Variants in POLD2 observed in about 807,000 individuals in gnomAD.
POLD2 encodes DNA polymerase delta 2, accessory subunit, also known as DNA polymerase delta subunit 2.
A neutral mutation model predicts 48.8 loss-of-function variants in POLD2; 31 were observed. That is an observed-to-expected ratio of 0.64 (90% CI 0.48 to 0.86). The LOEUF (loss-of-function observed/expected upper bound fraction) is 0.86, where lower values mean the gene tolerates loss of function less well. POLD2 is among the 40% of genes least tolerant of loss of function. POLD2 has a pLI of 0.00. For missense variants in POLD2, 455 were observed against 610.1 expected (o/e 0.75, Z 2.68); for synonymous variants, 233 against 256.3 (o/e 0.91, Z 0.87).
At position 44,121,980 on chromosome 7, in the gene POLD2, G is replaced by A; in HGVS notation, c.74C>T (p.Ala25Val). Residue 25 changes from alanine to valine, a missense_variant, in exon 2 of 11, where the codon GCC becomes GTC. Physicochemically the swap from Ala to Val is moderately conservative, Grantham distance 64 (BLOSUM62 0). Around this residue, in one of 3 missense-constraint regions of POLD2, gnomAD observed 349 missense variants for 437.4 expected, o/e 0.80. Coordinates refer to ENST00000610533, the MANE Select transcript of POLD2 (RefSeq NM_006230.4). This position sits in a 1 kb window ranked among gnomAD's most constrained non-coding sequence, Gnocchi z 4.5. ...GGTGTAGGTTGCCACTGGCACCCGG[G>A]CAAAGGTGGCATTGTTGGCTGATGG... ...SPPSANNATFARVPVATYTNS... is the reference protein window; with the variant it reads ...SPPSANNATFVRVPVATYTNS... 1 of 1,613,868 alleles carries A rather than the reference G, an allele frequency of 6.2e-7. No individual in the cohort carries two copies. The highest frequency in any genetic ancestry group is 8.5e-7 in the Non-Finnish European group (1 of 1,180,038).
chr7:44,116,317 C>T lies in POLD2; in HGVS notation c.862-45G>A, dbSNP rs779780220. On this transcript the variant is annotated intron_variant, in intron 7 of 10. Transcript: ENST00000610533. This position sits in a 1 kb window ranked among gnomAD's most constrained non-coding sequence, Gnocchi z 6.1. ...GAGAGCTCACAGGGCCCCGAAGGAGCCCCCTACACCAACTCCGGCCACTCC... is the reference window on the plus strand; with the variant it reads ...GAGAGCTCACAGGGCCCCGAAGGAGTCCCCTACACCAACTCCGGCCACTCC... The T allele has an allele frequency of 1.3e-5, 21 of 1,594,482 alleles. No individual in the cohort carries two copies. Among genetic ancestry groups the T allele is most frequent in the Non-Finnish European group, 1.8e-5 (21 of 1,168,552 alleles).
At chr7:44,118,850 G>A (rs2096244530) in intron 2 of POLD2, among the ~76,000 whole-genome samples, 1 of 152,108 alleles carries the variant, frequency 6.6e-6, no homozygotes, top group Non-Finnish European at 1.5e-5. Flanking sequence ...CCAGTTTGTG[G>A]TGCTTTGTTA....
intron 1 of POLD2, chr7:44,123,143 T>C (rs1186441781): frequency 1.2e-5 from 8 of 661,348 alleles, no homozygotes; most frequent in African/African-American, 1.9e-5. Context: ...TTTACTCCAA[T>C]TGATTTGTTT....
At chr7:44,117,279 G>A (rs764348319) in intron 4 of POLD2, 32 bp from the exon 5 acceptor site, 9 of 1,520,250 alleles carry the variant, frequency 5.9e-6, no homozygotes, top group African/African-American at 4.1e-5. Context: ...CCTGAGCAGG[G>A]AGCCCCAGGT....
chr7:44,117,807 A>G, intron 3 of POLD2, 65 bp from the exon 4 acceptor site: 2 of 1,606,046 alleles, frequency 1.2e-6, no homozygotes, highest in Non-Finnish European at 1.7e-6. Flanking sequence ...GGTGTTAGTG[A>G]GCTGGCACCG....
intron 1 of POLD2, chr7:44,123,134 T>C (rs2096250406): frequency 1.8e-6 from 1 of 544,880 alleles, no homozygotes; most frequent in African/African-American, 2.0e-5. Context: ...ATTTATGGAT[T>C]TACTCCAATT....
Position 44,116,314 on chromosome 7 carries a change from G to C in POLD2, c.862-42C>G. The C allele has an allele frequency of 6.3e-7, 1 of 1,596,624 alleles. No individual in the cohort carries two copies. The highest frequency in any genetic ancestry group is 8.5e-7 in the Non-Finnish European group (1 of 1,169,864). On this transcript the variant is annotated intron_variant, in intron 7 of 10. Coordinates refer to ENST00000610533, the MANE Select transcript of POLD2 (RefSeq NM_006230.4). The surrounding 1 kb of genome is among the most constrained non-coding windows in gnomAD (Gnocchi z 6.1). ...AGGGAGAGCTCACAGGGCCCCGAAG[G>C]AGCCCCCTACACCAACTCCGGCCAC...
chr7:44,119,506 G>A (rs147145131), intron 2 of POLD2, among the ~76,000 whole-genome samples: 9 of 152,248 alleles, frequency 5.9e-5, no homozygotes, highest in African/African-American at 2.2e-4. Context: ...ACATCCTCAC[G>A]TATCCCACTC....
At position 44,121,813 on chromosome 7, in the gene POLD2, C is replaced by T; in HGVS notation, c.220+21G>A. The T allele has an allele frequency of 6.2e-7, 1 of 1,602,758 alleles. No individual in the cohort carries two copies. The highest frequency in any genetic ancestry group is 8.5e-7 in the Non-Finnish European group (1 of 1,172,962). ...GTTCAGGGATGCTGTGGGGGAAGCA[C>T]CTTCCCAAACTCTCACTTACCCCAG... is the stretch of plus-strand genomic sequence containing the variant. On this transcript the variant is annotated intron_variant, in intron 2 of 10. Coordinates refer to ENST00000610533, the MANE Select transcript of POLD2 (RefSeq NM_006230.4). This position sits in a 1 kb window ranked among gnomAD's most constrained non-coding sequence, Gnocchi z 4.5.
intron 1 of POLD2, 110 bp from the exon 2 acceptor site, chr7:44,122,219 G>T: frequency 7.0e-7 from 1 of 1,433,684 alleles, no homozygotes. Context: ...GAGAACAGCT[G>T]TAGTTGACAC....
In POLD2 at chr7:44,117,910, C is replaced by T. The variant is rs770186897; in HGVS notation, c.342+33G>A. ...TGTTCTAGTGGGAGGCCAGGTCTGC[C>T]TGGCGGCCCCACTGTGTAGCACCCT... On this transcript the variant is annotated intron_variant, in intron 3 of 10. Transcript: ENST00000610533. 2.0e-5 allele frequency: 32 copies of T among 1,609,474 alleles called. 1 individual carries two copies. The highest frequency in any genetic ancestry group is 2.6e-5 in the Non-Finnish European group (31 of 1,177,264).
Position 44,121,834 on chromosome 7 carries a change from C to T in POLD2, c.220G>A (p.Gly74Ser). 6.2e-7 allele frequency: 1 copy of T among 1,611,864 alleles called. No individual in the cohort carries two copies. Among genetic ancestry groups the T allele is most frequent in the Non-Finnish European group, 8.5e-7 (1 of 1,179,380 alleles). Residue 74 changes from glycine (G) to serine (S), a missense_variant and splice_region_variant, in exon 2 of 11, where the codon GGC (glycine) becomes AGC (serine). Coordinates refer to ENST00000610533, the MANE Select transcript of POLD2 (RefSeq NM_006230.4). The surrounding 1 kb of genome is among the most constrained non-coding windows in gnomAD (Gnocchi z 4.5). ...FLENRAQQHW[G>S]SGVGVKKLCE... ...AGCACCTTCCCAAACTCTCACTTAC[C>T]CCAGTGCTGCTGGGCCCGGTTCTCC... is the stretch of plus-strand genomic sequence containing the variant.
At position 44,123,169 on chromosome 7, in the gene POLD2, G is replaced by A. The variant is rs77547609; in HGVS notation, c.-57+342C>T. ...TGATTTGTTTCGTTTTACTTTTTTCGTACACCTACTAGAAAGTTAAAAAAT... is the reference window on the plus strand; with the variant it reads ...TGATTTGTTTCGTTTTACTTTTTTCATACACCTACTAGAAAGTTAAAAAAT... On this transcript the variant is annotated intron_variant, in intron 1 of 10. Transcript: ENST00000610533. 1,476 of 1,006,332 alleles carry A rather than the reference G, an allele frequency of 1.5e-3. 17 individuals carry two copies. In the African/African-American group the frequency reaches 0.023, roughly 16 times the overall value. 62.3% of individuals were successfully genotyped at this position (1,006,332 alleles called of 1,614,324 possible).
upstream of POLD2, chr7:44,124,293 T>C (rs1199339183): frequency 6.6e-6 from 1 of 150,952 alleles, no homozygotes; most frequent in Non-Finnish European, 1.5e-5. Context: ...TCTCCACTAA[T>C]TTATAGAATT....
intron 9 of POLD2, 22 bp downstream of exon 9, chr7:44,115,744 C>T (rs754901920): frequency 6.2e-7 from 1 of 1,611,642 alleles, no homozygotes; most frequent in Non-Finnish European, 8.5e-7. Context: ...CTGCTCCCAC[C>T]CTGTATGGCT....
chr7:44,123,475 C>T, intron 1 of POLD2, 36 bp downstream of exon 1: 3 of 1,497,060 alleles, frequency 2.0e-6, no homozygotes, highest in Non-Finnish European at 1.8e-6. Flanking sequence ...GGAACTGCCA[C>T]CCCCAGCTGA....
chr7:44,116,717 C>A lies in POLD2; in HGVS notation c.780+100G>T. The A allele has an allele frequency of 7.5e-7, 1 of 1,335,244 alleles. No individual in the cohort carries two copies. Among genetic ancestry groups the A allele is most frequent in the Non-Finnish European group, 1.1e-6 (1 of 951,714 alleles). 82.7% of individuals were successfully genotyped at this position (1,335,244 alleles called of 1,614,324 possible). A position where few individuals can be genotyped will look rare whatever the true frequency, so the allele number is the denominator to read the frequency against. On this transcript the variant is annotated intron_variant, in intron 6 of 10. Transcript: ENST00000610533. This position sits in a 1 kb window ranked among gnomAD's most constrained non-coding sequence, Gnocchi z 6.1. ...CTGCAGGGCGCTTCCCACCGACCTG[C>A]GAGACCTCACAGGGTACCCTACTCG...
In POLD2 at chr7:44,117,217, C is replaced by G; in HGVS notation, c.497G>C (p.Arg166Thr). ...GTVLAVFGSV[R>T]DDGKFLVEDY... is the part of the protein sequence containing the mutation. ...CTCCACCAGAAACTTCCCGTCGTCTCTCACGGAGCCAAACACAGCCAGGAC... is the reference window on the plus strand; with the variant it reads ...CTCCACCAGAAACTTCCCGTCGTCTGTCACGGAGCCAAACACAGCCAGGAC... Residue 166 changes from arginine to threonine, a missense_variant, in exon 5 of 11, where the codon AGA (arginine) becomes ACA (threonine). Around this residue, in one of 3 missense-constraint regions of POLD2, gnomAD observed 349 missense variants for 437.4 expected, o/e 0.80. Coordinates refer to ENST00000610533, the MANE Select transcript of POLD2 (RefSeq NM_006230.4). The G allele has an allele frequency of 6.2e-7, 1 of 1,614,002 alleles. No homozygotes were observed. Among genetic ancestry groups the G allele is most frequent in the Non-Finnish European group, 8.5e-7 (1 of 1,179,936 alleles).
chr7:44,115,840 A>G lies in POLD2; in HGVS notation c.1073T>C (p.Met358Thr), dbSNP rs767452757. ...CTCCAGGATCTCCAAGTGATCCTCC[A>G]TGCTGCTGTATCGGAAAATGTCACT... ...NVSDIFRYSSMEDHLEILEWT... is the reference protein window; with the variant it reads ...NVSDIFRYSSTEDHLEILEWT... Residue 358 changes from methionine (M) to threonine (T), a missense_variant, in exon 9 of 11, where the codon ATG becomes ACG. Physicochemically the swap from Met to Thr is moderately conservative, Grantham distance 81 (BLOSUM62 -1). This residue lies in a region of POLD2 where 8 missense variants were observed against 34.1 expected (regional missense o/e 0.23). Coordinates refer to ENST00000610533, the MANE Select transcript of POLD2 (RefSeq NM_006230.4). The G allele has an allele frequency of 6.2e-7, 1 of 1,614,116 alleles. No individual in the cohort carries two copies. Among genetic ancestry groups the G allele is most frequent in the Non-Finnish European group, 8.5e-7 (1 of 1,179,994 alleles).
Sources: gnomAD v4.1 joint callset for allele counts (sites outside exome capture counted in the v4.1 genomes callset) on GRCh38, gnomAD v4.1.1 for gene constraint, gnomAD v4.1.1 regional missense constraint, Gnocchi (gnomAD v3.1) non-coding constraint, MANE v1.5 for transcripts, NCBI Gene and HGNC (gene_info 2026-07-23, HGNC 2026-07-21) for gene names.